The following REXO4 variants were observed in gnomAD, a reference collection of about 807,000 sequenced individuals.
REXO4 encodes REX4 homolog, 3'-5' exonuclease.
A neutral mutation model predicts 39.9 loss-of-function variants in REXO4; 29 were observed. The observed-to-expected ratio is 0.73, with a 90% CI of 0.54 to 0.99. The LOEUF (loss-of-function observed/expected upper bound fraction) is 0.99. Among genes scored for constraint, REXO4 ranks in the 50% least tolerant of loss-of-function variants. REXO4 has a pLI of 0.00. For missense variants in REXO4, 524 were observed against 546.5 expected (o/e 0.96, Z 0.41); for synonymous variants, 184 against 206.2 (o/e 0.89, Z 0.92).
upstream of REXO4, chr9:133,418,154 G>A (rs952133522): frequency 7.2e-6 from 3 of 418,228 alleles, no homozygotes; most frequent in Non-Finnish European, 8.6e-6. Context: ...CGGCATCCGG[G>A]GTCATCGACC....
chr9:133,406,393 C>A lies in REXO4; in HGVS notation c.*560G>T, dbSNP rs1554778794. 1 of 154,420 alleles carries A rather than the reference C, an allele frequency of 6.5e-6. No homozygotes were observed. The highest frequency in any genetic ancestry group is 2.4e-5 in the African/African-American group (1 of 41,500). The allele number at this position is 154,420 out of a possible 1,614,324, so 9.6% of individuals were successfully genotyped here. A position where few individuals can be genotyped will look rare whatever the true frequency, so the allele number is the denominator to read the frequency against. On this transcript the variant is annotated 3_prime_UTR_variant, in exon 8 of 8. Coordinates refer to ENST00000371942, the MANE Select transcript of REXO4 (RefSeq NM_020385.4). ...GGGTGACCCACCAGCCAACCCTGGGCCAATTTAATTTAGATAAATGCTCAA... is the reference window on the plus strand; with the variant it reads ...GGGTGACCCACCAGCCAACCCTGGGACAATTTAATTTAGATAAATGCTCAA...
At chr9:133,416,913 T>C (rs2130746747) in intron 1 of REXO4, among the ~76,000 whole-genome samples, 1 of 152,350 alleles carries the variant, frequency 6.6e-6, no homozygotes, top group East Asian at 1.9e-4. Flanking sequence ...TTCAAGACCG[T>C]AAGTGTCGCT....
At chr9:133,409,921 G>A (rs1839123851) in intron 5 of REXO4, among the ~76,000 whole-genome samples, 2 of 152,198 alleles carry the variant, frequency 1.3e-5, no homozygotes, top group Non-Finnish European at 2.9e-5. Context: ...CAGGGATGGA[G>A]TCAGAGTCAG....
chr9:133,417,621 T>A lies in REXO4; in HGVS notation c.224A>T (p.Glu75Val). ...CGCCCGGGCCCCCTCAAGCCTCACC[T>A]CTTGCAGCGCCTTCCAGTTTTGAGA... ...DFSQNWKALQ[E>V]WLLKQKSQAP... Residue 75 changes from glutamate (E) to valine (V), a missense_variant and splice_region_variant, in exon 1 of 8, where the codon GAG becomes GTG. Physicochemically the swap from Glu to Val is moderately radical, Grantham distance 121. Transcript: ENST00000371942. 1 of 1,613,432 alleles carries A rather than the reference T, an allele frequency of 6.2e-7. No homozygotes were observed. The highest frequency in any genetic ancestry group is 8.5e-7 in the Non-Finnish European group (1 of 1,179,844).
At chr9:133,412,056 C>T (rs587668404) in intron 4 of REXO4, among the ~76,000 whole-genome samples, 4 of 152,096 alleles carry the variant, frequency 2.6e-5, no homozygotes, top group South Asian at 2.1e-4. Context: ...CATGAGCCAC[C>T]GTGCCCAGCT....
intron 5 of REXO4, 92 bp from the exon 6 acceptor site, chr9:133,408,934 TTGTGTGTGTGTGTGTGTGTGTGTG>T (rs71503345): frequency 6.8e-5 from 22 of 322,010 alleles, no homozygotes; most frequent in South Asian, 1.7e-4. Context: ...AGTAACATCT[TTGTGTGTGTGTGTGTGTGTGTGTG>T]TGTGTGTGTG....
intron 6 of REXO4, 114 bp from the exon 7 acceptor site, chr9:133,407,995 G>A: frequency 1.4e-6 from 1 of 734,646 alleles, no homozygotes; most frequent in South Asian, 1.7e-5. Context: ...CCTACAGTTT[G>A]CCTCTCAGTG....
chr9:133,415,204 GTGAAA>G (rs1839504827), intron 1 of REXO4, among the ~76,000 whole-genome samples, 193 bp from the exon 2 acceptor site: 1 of 152,130 alleles, frequency 6.6e-6, no homozygotes, highest in East Asian at 1.9e-4. Context: ...GTCACTTGTG[GTGAAA>G]TGCTGTTTCT....
chr9:133,414,082 C>T (rs782660885), intron 2 of REXO4, among the ~76,000 whole-genome samples: 36 of 152,240 alleles, frequency 2.4e-4, no homozygotes, highest in Admixed American at 6.5e-5. Context: ...ATTCTTTTCA[C>T]TTGTTTTTTT....
rs1173738551 is a variant in REXO4 at position 133,408,969 on chromosome 9, T to TGTGTGC, written c.1000-128_1000-127insGCACAC. ...GTGTGTGTGTGTGTGTGTGTGTGTG[T>TGTGTGC]GTGTGTGTGTGTGTGTGACGGAGTC... On this transcript the variant is annotated intron_variant, in intron 5 of 7. Coordinates refer to ENST00000371942, the MANE Select transcript of REXO4 (RefSeq NM_020385.4). The TGTGTGC allele has an allele frequency of 7.6e-6, 4 of 525,034 alleles. No homozygotes were observed. In the East Asian group the frequency reaches 1.3e-4, roughly 17 times the overall value. The allele number at this position is 525,034 out of a possible 1,614,324, so 32.5% of individuals were successfully genotyped here. A position where few individuals can be genotyped will look rare whatever the true frequency, so the allele number is the denominator to read the frequency against.
chr9:133,409,140 A>T (rs587629827), intron 5 of REXO4, among the ~76,000 whole-genome samples: 1 of 151,978 alleles, frequency 6.6e-6, no homozygotes, highest in East Asian at 1.9e-4. Flanking sequence ...TAATTTTTGT[A>T]TTTTTTAGTA....
Position 133,406,806 on chromosome 9 carries a change from AC to A in REXO4, c.*146del. ...GACCACAAAGTCAAGAGGAAGGAGG[AC>A]CTTCTCAGTAGCACCACGCCACGCC... is the stretch of plus-strand genomic sequence containing the variant. On this transcript the variant is annotated 3_prime_UTR_variant, in exon 8 of 8. Coordinates refer to ENST00000371942, the MANE Select transcript of REXO4 (RefSeq NM_020385.4). The A allele has an allele frequency of 8.6e-7, 1 of 1,159,900 alleles. No homozygotes were observed. The highest frequency in any genetic ancestry group is 1.2e-6 in the Non-Finnish European group (1 of 817,090). 71.9% of individuals were successfully genotyped at this position (1,159,900 alleles called of 1,614,324 possible).
rs71503345 is a variant in REXO4 at position 133,408,934 on chromosome 9, TTGTGTGTGTGTG to T, written c.1000-104_1000-93del. 4.3e-3 allele frequency: 1,376 copies of T among 321,698 alleles called. 5 individuals carry two copies. Among genetic ancestry groups the T allele is most frequent in the Non-Finnish European group, 5.5e-3 (979 of 179,450 alleles). The allele number at this position is 321,698 out of a possible 1,614,324, so 19.9% of individuals were successfully genotyped here. A position where few individuals can be genotyped will look rare whatever the true frequency, so the allele number is the denominator to read the frequency against. ...CCGCCACCTTTTGCAAGTAACATCT[TTGTGTGTGTGTG>T]TGTGTGTGTGTGTGTGTGTGTGTGT... On this transcript the variant is annotated intron_variant, in intron 5 of 7. Transcript: ENST00000371942.
intron 1 of REXO4, among the ~76,000 whole-genome samples, chr9:133,416,574 C>T (rs1368676367): frequency 6.6e-6 from 1 of 152,050 alleles, no homozygotes; most frequent in Admixed American, 6.5e-5. Flanking sequence ...GAGGTAGCTC[C>T]AAGGGAGCTC....
intron 6 of REXO4, among the ~76,000 whole-genome samples, chr9:133,408,241 C>T (rs1554779370): frequency 6.6e-6 from 1 of 151,994 alleles, no homozygotes; most frequent in African/African-American, 2.4e-5. Context: ...ATCACTTGAA[C>T]CCAGGAGTTT....
chr9:133,407,901 G>A lies in REXO4; in HGVS notation c.1075-20C>T, dbSNP rs782620443. The A allele has an allele frequency of 4.3e-5, 69 of 1,601,850 alleles. No individual in the cohort carries two copies. The highest frequency in any genetic ancestry group is 6.6e-5 in the South Asian group (6 of 90,644). On this transcript the variant is annotated intron_variant, in intron 6 of 7. Coordinates refer to ENST00000371942, the MANE Select transcript of REXO4 (RefSeq NM_020385.4). ...TCCACTCTGCAAAGGGGGAAGAGGC[G>A]GGTGGGGGCCTCTGCAGGCTCGGCC...
chr9:133,417,112 G>A (rs1288733126), intron 1 of REXO4, among the ~76,000 whole-genome samples: 1 of 152,220 alleles, frequency 6.6e-6, no homozygotes, highest in African/African-American at 2.4e-5. Context: ...CCGGGTTCAA[G>A]CGATTCTTCT....
At chr9:133,417,493 G>A in intron 1 of REXO4, 127 bp downstream of exon 1, 1 of 957,092 alleles carries the variant, frequency 1.0e-6, no homozygotes, top group Non-Finnish European at 1.6e-6. Flanking sequence ...CTTGTGAAAA[G>A]CTGTTTACAA....
In REXO4 at chr9:133,416,794, T is replaced by C. The variant is rs782318225; in HGVS notation, c.225+826A>G. Among the ~76,000 whole-genome samples the C allele has an allele frequency of 2.6e-5, 4 of 152,288 alleles. No homozygotes were observed. The East Asian group carries it at 7.7e-4, about 29-fold the overall frequency. On this transcript the variant is annotated intron_variant, in intron 1 of 7. Transcript: ENST00000371942. ...CCAGCCTATTTCCTCATCTGTACAATAGCGATGATGGAAGTGTCCACCTCA... is the reference window on the plus strand; with the variant it reads ...CCAGCCTATTTCCTCATCTGTACAACAGCGATGATGGAAGTGTCCACCTCA...
Sources: gnomAD v4.1 joint callset for allele counts (sites outside exome capture counted in the v4.1 genomes callset) on GRCh38, gnomAD v4.1.1 for gene constraint, MANE v1.5 for transcripts, NCBI Gene and HGNC (gene_info 2026-07-23, HGNC 2026-07-21) for gene names.